Variants in RBFOX3 observed in about 807,000 individuals in gnomAD.
RBFOX3 encodes RNA binding fox-1 homolog 3.
In RBFOX3, 17 loss-of-function variants were observed where a neutral mutation model predicts 48.7. That is an observed-to-expected ratio of 0.35 (90% confidence interval 0.24 to 0.52). RBFOX3 has a LOEUF of 0.52. RBFOX3 is among the 20% of genes least tolerant of loss of function. The probability of loss-of-function intolerance (pLI) is 0.94; values close to 1 mark genes in which losing one functional copy is unlikely to be tolerated. For synonymous variants in RBFOX3, 212 were observed against 209.5 expected (o/e 1.01, Z -0.10); for missense variants, 382 against 497.5 (o/e 0.77, Z 2.21).
intron 4 of RBFOX3, among the ~76,000 whole-genome samples, chr17:79,200,537 G>C (rs979027692): frequency 1.3e-5 from 2 of 152,220 alleles, no homozygotes; most frequent in Admixed American, 6.5e-5. Flanking sequence ...AGCGGTGGCC[G>C]AGCAGAAGCC....
At chr17:79,241,546 G>A (rs2062378394) in intron 3 of RBFOX3, among the ~76,000 whole-genome samples, 1 of 152,160 alleles carries the variant, frequency 6.6e-6, no homozygotes, top group African/African-American at 2.4e-5. Context: ...TGCTGAGGAA[G>A]GTGACTCTGT....
intron 4 of RBFOX3, among the ~76,000 whole-genome samples, chr17:79,124,337 G>A (rs1424694984): frequency 1.3e-5 from 2 of 152,256 alleles, no homozygotes; most frequent in African/African-American, 2.4e-5. Context: ...CCGGAGGCCT[G>A]AACGTGTGGC....
At chr17:79,273,005 C>T (rs944541829) in intron 3 of RBFOX3, among the ~76,000 whole-genome samples, 15 of 152,176 alleles carry the variant, frequency 9.9e-5, no homozygotes, top group African/African-American at 3.1e-4. Flanking sequence ...AATGTTCCCA[C>T]GTTTCAAGGG....
rs1248786718 is a variant in RBFOX3, at chr17:79,198,421, C to T, written c.-34+37345G>A. 6.6e-6 allele frequency among the ~76,000 whole-genome samples: 1 copy of T among 152,200 alleles called. No individual in the cohort carries two copies. Among genetic ancestry groups the T allele is most frequent in the Non-Finnish European group, 1.5e-5 (1 of 68,038 alleles). The stretch of plus-strand genomic sequence containing the variant: ...TAAGGTGACAGTGGAACGCTGGCAT[C>T]TGTGTCCCGCCTGCCAGCTCATGGA... On this transcript the variant is annotated intron_variant, in intron 4 of 14. Coordinates refer to ENST00000693108, the MANE Select transcript of RBFOX3 (RefSeq NM_001350451.2). This position sits in a 1 kb window ranked among gnomAD's most constrained non-coding sequence, Gnocchi z 8.2.
chr17:79,292,971 C>A (rs1220440341), intron 3 of RBFOX3, among the ~76,000 whole-genome samples: 1 of 152,174 alleles, frequency 6.6e-6, no homozygotes, highest in East Asian at 1.9e-4. Context: ...CTGCCCCCAC[C>A]TTCCATCCCC....
intron 2 of RBFOX3, among the ~76,000 whole-genome samples, chr17:79,458,082 C>A (rs2074820708): frequency 6.6e-6 from 1 of 152,188 alleles, no homozygotes; most frequent in Non-Finnish European, 1.5e-5. Flanking sequence ...CCGGGTGTGC[C>A]TCCCCAGGTG....
chr17:79,545,676 C>T (rs978229011), intron 1 of RBFOX3, among the ~76,000 whole-genome samples: 2 of 152,332 alleles, frequency 1.3e-5, no homozygotes, highest in Non-Finnish European at 2.9e-5. Flanking sequence ...GGACGCTGTC[C>T]AACCCACCTC....
Position 79,097,280 on chromosome 17 carries a change from C to T in RBFOX3, c.755+12G>A, listed in dbSNP as rs2075512666. 2.6e-5 allele frequency: 40 copies of T among 1,537,432 alleles called. No individual in the cohort carries two copies. Among genetic ancestry groups the T allele is most frequent in the Non-Finnish European group, 3.5e-5 (40 of 1,138,344 alleles). On this transcript the variant is annotated intron_variant, in intron 11 of 14. Coordinates refer to ENST00000693108, the MANE Select transcript of RBFOX3 (RefSeq NM_001350451.2). ...CCCCCTCCTCCACGCCTCCCCCGGC[C>T]CAGGTACTCACGCTCCGTAAGTCGG...
intron 3 of RBFOX3, among the ~76,000 whole-genome samples, chr17:79,247,107 C>A (rs993125023): frequency 1.3e-5 from 2 of 152,152 alleles, no homozygotes; most frequent in African/African-American, 4.8e-5. Context: ...TCTCCATCAA[C>A]CTACTTACAA....
rs192452301 is a variant in RBFOX3, at chr17:79,448,694, A to G, written c.-175+33760T>C. Among the ~76,000 whole-genome samples, 422 of 152,270 alleles carry G rather than the reference A, an allele frequency of 2.8e-3. 1 individual carries two copies. The highest frequency in any genetic ancestry group is 4.1e-3 in the Non-Finnish European group (280 of 68,026). On this transcript the variant is annotated intron_variant, in intron 2 of 14. Transcript: ENST00000693108. ...CCCCCAGAAAGCGGTCACTTGTTAT[A>G]TCAGATGCAGGTCACTCATACAGAC...
At chr17:79,601,100 G>C (rs1156571051) in intron 1 of RBFOX3, 2 of 152,244 alleles carry the variant, frequency 1.3e-5, no homozygotes, top group East Asian at 3.9e-4. Flanking sequence ...CCCGACTGCA[G>C]CCTCGAGGGG....
intron 1 of RBFOX3, among the ~76,000 whole-genome samples, chr17:79,570,684 CT>C (rs1247294115): frequency 6.6e-6 from 1 of 152,144 alleles, no homozygotes; most frequent in Non-Finnish European, 1.5e-5. Context: ...CAAAGTGACA[CT>C]TACAGACCCC....
Position 79,121,442 on chromosome 17 carries a change from A to G in RBFOX3, c.-33-5694T>C, listed in dbSNP as rs548231339. Among the ~76,000 whole-genome samples, 72 of 152,232 alleles carry G rather than the reference A, an allele frequency of 4.7e-4. 1 individual carries two copies. In the South Asian group the frequency reaches 0.015, roughly 31 times the overall value. ...GCAAAACTTCCCAAATGAGTTGTCT[A>G]TACCTGTGGCCCCAATTCCCTCACT... is the stretch of plus-strand genomic sequence containing the variant. On this transcript the variant is annotated intron_variant, in intron 4 of 14. Coordinates refer to ENST00000693108, the MANE Select transcript of RBFOX3 (RefSeq NM_001350451.2).
the RBFOX3 span, among the ~76,000 whole-genome samples, chr17:79,620,943 G>C: frequency 6.6e-6 from 1 of 152,052 alleles, no homozygotes; most frequent in Non-Finnish European, 1.5e-5. Context: ...CGTTCCTGGG[G>C]ACATCCAGAC....
intron 3 of RBFOX3, among the ~76,000 whole-genome samples, chr17:79,241,124 C>T (rs2062304733): frequency 6.6e-6 from 1 of 152,092 alleles, no homozygotes; most frequent in Non-Finnish European, 1.5e-5. Context: ...TACAGGCAAG[C>T]ACCAACATGC....
At chr17:79,108,923 G>C (rs2146747560) in intron 5 of RBFOX3, among the ~76,000 whole-genome samples, 1 of 152,358 alleles carries the variant, frequency 6.6e-6, no homozygotes, top group South Asian at 2.1e-4. Flanking sequence ...GAGCACACGT[G>C]TCCACGTTCC....
intron 3 of RBFOX3, among the ~76,000 whole-genome samples, chr17:79,288,809 A>G (rs1279142723): frequency 1.3e-5 from 2 of 152,084 alleles, no homozygotes; most frequent in Non-Finnish European, 2.9e-5. Flanking sequence ...GCTGACCCCA[A>G]TAACCTCTCT....
chr17:79,587,030 G>T, intron 1 of RBFOX3, among the ~76,000 whole-genome samples: 1 of 152,334 alleles, frequency 6.6e-6, no homozygotes, highest in East Asian at 1.9e-4. Context: ...TACAGATGCA[G>T]AAACTGGTCC....
intron 2 of RBFOX3, among the ~76,000 whole-genome samples, chr17:79,334,633 C>T (rs956847755): frequency 6.6e-6 from 1 of 152,198 alleles, no homozygotes; most frequent in Admixed American, 6.5e-5. Context: ...CAACTGGAGC[C>T]CATCTGTGAG....
Sources: allele counts gnomAD v4.1 joint callset (sites outside exome capture counted in the v4.1 genomes callset), GRCh38; gene constraint gnomAD v4.1.1; non-coding constraint Gnocchi (gnomAD v3.1); transcripts MANE v1.5; gene names NCBI Gene and HGNC (gene_info 2026-07-23, HGNC 2026-07-21).